PARVA: variants seen among roughly 807,000 people sequenced by gnomAD.
The protein encoded by PARVA is parvin alpha, also known as alpha-parvin.
Under a neutral mutation model 52.6 loss-of-function variants are expected in PARVA, and 25 were observed. The ratio of observed to expected loss-of-function variants is 0.48; its 90% CI spans 0.35 to 0.66. The LOEUF is 0.66. PARVA is among the 30% of genes least tolerant of loss of function. The pLI, the probability that PARVA is intolerant of heterozygous loss-of-function variation, is 0.01. For missense variants in PARVA, 373 were observed against 450.9 expected (o/e 0.83, Z 1.56); for synonymous variants, 185 against 179.1 (o/e 1.03, Z -0.26).
chr11:12,434,992 T>C (rs190119343), intron 1 of PARVA, among the ~76,000 whole-genome samples: 2 of 152,310 alleles, frequency 1.3e-5, no homozygotes, highest in East Asian at 3.9e-4. Flanking sequence ...TTCCTGCCCG[T>C]ATTCACCAAA....
chr11:12,379,760 A>G (rs190866463), intron 1 of PARVA, among the ~76,000 whole-genome samples: 1 of 152,236 alleles, frequency 6.6e-6, no homozygotes, highest in African/African-American at 2.4e-5. Context: ...CAGCAAAAAC[A>G]TACAAAAGTT....
At chr11:12,518,225 G>C (rs983611560) in intron 11 of PARVA, among the ~76,000 whole-genome samples, 3 of 152,204 alleles carry the variant, frequency 2.0e-5, no homozygotes, top group Non-Finnish European at 4.4e-5. Flanking sequence ...GATATGAAGG[G>C]AGTTTTGTGC....
At chr11:12,517,313 A>ACCCCCCCCCCCCC (rs1405572031) in intron 10 of PARVA, among the ~76,000 whole-genome samples, 4 of 66,210 alleles carry the variant, frequency 6.0e-5, no homozygotes, top group Admixed American at 1.6e-4. Context: ...ACCACCCCCC[A>ACCCCCCCCCCCCC]CCCCCCACCC....
chr11:12,488,620 A>C (rs901594743), intron 4 of PARVA, among the ~76,000 whole-genome samples: 13 of 152,184 alleles, frequency 8.5e-5, no homozygotes, highest in African/African-American at 2.9e-4. Context: ...TGAGTACAAA[A>C]TTTGTCCCAC....
intron 1 of PARVA, among the ~76,000 whole-genome samples, chr11:12,456,368 A>C (rs747949532): frequency 2.0e-5 from 3 of 152,144 alleles, no homozygotes; most frequent in Non-Finnish European, 4.4e-5. Context: ...AGCTGGGATT[A>C]ATCCAAGATC....
intron 1 of PARVA, among the ~76,000 whole-genome samples, chr11:12,391,219 C>T (rs1043502674): frequency 6.6e-6 from 1 of 152,148 alleles, no homozygotes; most frequent in African/African-American, 2.4e-5. Context: ...TGGATGTTAG[C>T]ACAATTGGGA....
chr11:12,403,863 A>G (rs1939864299), intron 1 of PARVA, among the ~76,000 whole-genome samples: 1 of 152,202 alleles, frequency 6.6e-6, no homozygotes, highest in Admixed American at 6.5e-5. Flanking sequence ...GGCAGTGTAA[A>G]CATGTTCATC....
chr11:12,523,316 G>GT (rs1233179471), intron 12 of PARVA, among the ~76,000 whole-genome samples: 1 of 152,102 alleles, frequency 6.6e-6, no homozygotes, highest in African/African-American at 2.4e-5. Flanking sequence ...TAACCACCTA[G>GT]TGGCCACCTA....
chr11:12,457,740 A>G (rs571929477), intron 1 of PARVA, among the ~76,000 whole-genome samples: 1 of 152,360 alleles, frequency 6.6e-6, no homozygotes, highest in South Asian at 2.1e-4. Context: ...AGTGGTGCAC[A>G]AAGCCTCAGT....
At chr11:12,500,468 C>T (rs796330478) in intron 5 of PARVA, among the ~76,000 whole-genome samples, 1 of 152,144 alleles carries the variant, frequency 6.6e-6, no homozygotes, top group Admixed American at 6.6e-5. Flanking sequence ...GGAAAAATGG[C>T]ATATTTTTGT....
At chr11:12,415,965 A>ATGCT (rs1277124873) in intron 1 of PARVA, among the ~76,000 whole-genome samples, 2 of 152,232 alleles carry the variant, frequency 1.3e-5, no homozygotes, top group East Asian at 3.8e-4. Context: ...GCACTAATCT[A>ATGCT]TGCTTGCCTT....
intron 1 of PARVA, among the ~76,000 whole-genome samples, chr11:12,415,888 A>C (rs1940058395): frequency 6.6e-6 from 1 of 152,230 alleles, no homozygotes; most frequent in Admixed American, 6.5e-5. Flanking sequence ...TCTGAAACCC[A>C]CAAGAGTCCC....
intron 1 of PARVA, among the ~76,000 whole-genome samples, chr11:12,424,587 A>G (rs1940199861): frequency 6.6e-6 from 1 of 152,226 alleles, no homozygotes; most frequent in African/African-American, 2.4e-5. Flanking sequence ...GTTGCTACCA[A>G]TACTAGTTGT....
At chr11:12,498,819 G>C (rs1223509855) in intron 5 of PARVA, among the ~76,000 whole-genome samples, 1 of 152,068 alleles carries the variant, frequency 6.6e-6, no homozygotes, top group African/African-American at 2.4e-5. Flanking sequence ...TGATCCACCC[G>C]CCTTGGCCTC....
chr11:12,483,738 C>G (rs924278168), intron 4 of PARVA, among the ~76,000 whole-genome samples: 1 of 152,230 alleles, frequency 6.6e-6, no homozygotes. Flanking sequence ...GAGACAGCAA[C>G]CCCGCTGTGG....
At chr11:12,454,996 C>T (rs1363583147) in intron 1 of PARVA, among the ~76,000 whole-genome samples, 1 of 152,182 alleles carries the variant, frequency 6.6e-6, no homozygotes, top group Middle Eastern at 3.2e-3. Context: ...CCATGCACTG[C>T]AGCTGGTGGA....
At chr11:12,376,645 C>A (rs569379894), upstream of PARVA, 21 of 700,626 alleles carry the variant, frequency 3.0e-5, no homozygotes, top group Non-Finnish European at 3.7e-5. Flanking sequence ...GAAGGGGCCA[C>A]AAGGAGGAAA....
intron 1 of PARVA, among the ~76,000 whole-genome samples, chr11:12,381,152 A>T (rs1939479984): frequency 6.6e-6 from 1 of 152,208 alleles, no homozygotes; most frequent in East Asian, 1.9e-4. Context: ...GTTGGTTTGA[A>T]ATGACTGTCC....
chr11:12,468,035 G>A (rs1940878792), intron 1 of PARVA, among the ~76,000 whole-genome samples: 1 of 152,086 alleles, frequency 6.6e-6, no homozygotes, highest in East Asian at 1.9e-4. Context: ...CTTTTGTAGT[G>A]CACCTGTGTT....
Sources: allele counts gnomAD v4.1 joint callset (sites outside exome capture counted in the v4.1 genomes callset), GRCh38; gene constraint gnomAD v4.1.1; transcripts MANE v1.5; gene names NCBI Gene and HGNC (gene_info 2026-07-23, HGNC 2026-07-21).